The following FAAH2 variants were observed in gnomAD, a reference collection of about 807,000 sequenced individuals.
FAAH2 encodes the protein fatty-acid amide hydrolase 2.
A neutral mutation model predicts 36.9 loss-of-function variants in FAAH2; 60 were observed. That is an observed-to-expected ratio of 1.63 (90% CI 1.32 to 2.02). The LOEUF is 2.02. Among genes scored for constraint, FAAH2 ranks in the 30% most tolerant of loss-of-function variants. The pLI is 0.00. For synonymous variants in FAAH2, 214 were observed against 143.8 expected, an observed-to-expected ratio of 1.49 and a Z score of -3.49; for missense variants, 689 against 397.5, an observed-to-expected ratio of 1.73 and a Z score of -6.23.
At chrX:57,134,437 A>C in the FAAH2 span, 2 of 111,346 alleles carry the variant, frequency 1.8e-5, no homozygotes, top group African/African-American at 6.5e-5. Flanking sequence ...TTCTTGGGAC[A>C]GCAGGTTTCT....
At chrX:57,215,790 G>A in the FAAH2 span, among the ~76,000 whole-genome samples, 1 of 108,319 alleles carries the variant, frequency 9.2e-6, no homozygotes, top group Non-Finnish European at 1.9e-5. Context: ...ACAGAGAGGG[G>A]CACAACACAC....
chrX:57,484,694 C>G (rs879149260), intron 10 of FAAH2, among the ~76,000 whole-genome samples: 2 of 111,495 alleles, frequency 1.8e-5, no homozygotes, highest in Admixed American at 9.5e-5. Context: ...AGAGGTCTGC[C>G]TTTCAGCCCA....
the FAAH2 span, among the ~76,000 whole-genome samples, chrX:57,177,593 T>C: frequency 1.2e-5 from 1 of 80,136 alleles, no homozygotes; most frequent in African/African-American, 4.8e-5. Flanking sequence ...TATATATATA[T>C]ATATATATAT....
At chrX:57,318,416 G>GA (rs2052909845) in intron 3 of FAAH2, among the ~76,000 whole-genome samples, 1 of 111,579 alleles carries the variant, frequency 9.0e-6, no homozygotes, top group Non-Finnish European at 1.9e-5. Context: ...AGAAAGTGTA[G>GA]AAAAAATGGA....
At chrX:57,237,223 T>A in the FAAH2 span, among the ~76,000 whole-genome samples, 1 of 111,800 alleles carries the variant, frequency 8.9e-6, no homozygotes, top group African/African-American at 3.2e-5. Context: ...TTGTTTTTAT[T>A]TTTATACAAG....
chrX:57,476,325 C>T (rs922385578), intron 10 of FAAH2, among the ~76,000 whole-genome samples: 1 of 110,806 alleles, frequency 9.0e-6, no homozygotes, highest in South Asian at 3.8e-4. Context: ...ATGATATCGG[C>T]TATAAGTTTG....
At chrX:57,429,678 G>T (rs900820486) in intron 7 of FAAH2, among the ~76,000 whole-genome samples, 1 of 111,285 alleles carries the variant, frequency 9.0e-6, no homozygotes, top group African/African-American at 3.3e-5. Context: ...TTCCACTACT[G>T]GTTATCTACC....
At chrX:57,147,793 T>C in the FAAH2 span, among the ~76,000 whole-genome samples, 4 of 112,082 alleles carry the variant, frequency 3.6e-5, no homozygotes, top group African/African-American at 1.3e-4. Context: ...ATTTTAATTT[T>C]CATCTTGATT....
chrX:57,368,099 A>G (rs781308417), intron 5 of FAAH2, among the ~76,000 whole-genome samples: 2 of 110,930 alleles, frequency 1.8e-5, no homozygotes, highest in Non-Finnish European at 3.8e-5. Flanking sequence ...CTTTGGAACA[A>G]GCTGCCTAGG....
intron 5 of FAAH2, among the ~76,000 whole-genome samples, chrX:57,347,896 G>A (rs2053872891): frequency 9.1e-6 from 1 of 109,859 alleles, no homozygotes; most frequent in Non-Finnish European, 1.9e-5. Context: ...GCATATAATG[G>A]TAATGGCTGG....
At chrX:57,197,240 A>AT in the FAAH2 span, among the ~76,000 whole-genome samples, 3 of 109,534 alleles carry the variant, frequency 2.7e-5, no homozygotes, top group African/African-American at 9.9e-5. Context: ...TATTTATGCT[A>AT]TTTTTTTCTG....
chrX:57,295,676 G>A (rs1179538346), intron 2 of FAAH2, among the ~76,000 whole-genome samples: 1 of 112,456 alleles, frequency 8.9e-6, no homozygotes, highest in Non-Finnish European at 1.9e-5. Flanking sequence ...CACCCAGGAA[G>A]TGCAAGGGAT....
chrX:57,193,711 G>C, the FAAH2 span, among the ~76,000 whole-genome samples: 1 of 111,659 alleles, frequency 9.0e-6, no homozygotes, highest in African/African-American at 3.3e-5. Context: ...ACTATCGGGG[G>C]CACATTCCCC....
intron 10 of FAAH2, among the ~76,000 whole-genome samples, chrX:57,459,315 G>A (rs1244934949): frequency 8.9e-6 from 1 of 112,307 alleles, no homozygotes; most frequent in African/African-American, 3.2e-5. Context: ...TGAAAGAAAG[G>A]CAGCAGCCCC....
chrX:57,421,713 G>A (rs1464973301), intron 7 of FAAH2, among the ~76,000 whole-genome samples: 4 of 111,841 alleles, frequency 3.6e-5, no homozygotes, highest in African/African-American at 9.8e-5. Context: ...GTGAAAGAAG[G>A]GACACAATCC....
chrX:57,473,462 A>G (rs987041698), intron 10 of FAAH2, among the ~76,000 whole-genome samples: 4 of 111,419 alleles, frequency 3.6e-5, no homozygotes, highest in Non-Finnish European at 5.7e-5. Context: ...TCAATTTTGG[A>G]GAATGTTCCA....
the FAAH2 span, among the ~76,000 whole-genome samples, chrX:57,179,601 G>T: frequency 1.8e-5 from 2 of 111,659 alleles, no homozygotes; most frequent in African/African-American, 6.5e-5. Flanking sequence ...CAATACAGGA[G>T]CACCAAGATT....
the FAAH2 span, among the ~76,000 whole-genome samples, chrX:57,150,348 T>A: frequency 8.9e-6 from 1 of 111,903 alleles, no homozygotes; most frequent in Non-Finnish European, 1.9e-5. Flanking sequence ...CTGTCTAATG[T>A]TGACAGTGGG....
chrX:57,145,936 T>A, the FAAH2 span, among the ~76,000 whole-genome samples: 7 of 111,707 alleles, frequency 6.3e-5, no homozygotes, highest in Admixed American at 6.7e-4. Flanking sequence ...TTTATACCAG[T>A]ATCATGCTGT....
Sources: allele counts gnomAD v4.1 joint callset (sites outside exome capture counted in the v4.1 genomes callset), GRCh38; gene constraint gnomAD v4.1.1; transcripts MANE v1.5; gene names NCBI Gene and HGNC (gene_info 2026-07-23, HGNC 2026-07-21).